The following DDX28 variants were observed in gnomAD, a reference collection of about 807,000 sequenced individuals.
DDX28 encodes the protein probable ATP-dependent RNA helicase DDX28.
A neutral mutation model predicts 26.8 loss-of-function variants in DDX28; 25 were observed. That is an observed-to-expected ratio of 0.93 (90% CI 0.68 to 1.30). The LOEUF is 1.30. Among genes scored for constraint, DDX28 ranks in the 50% most tolerant of loss-of-function variants. The probability of loss-of-function intolerance (pLI) is 0.00; values close to 1 mark genes in which losing one functional copy is unlikely to be tolerated. For synonymous variants in DDX28, 370 were observed against 311.9 expected (o/e 1.19, Z -1.96); for missense variants, 790 against 695.1 (o/e 1.14, Z -1.53).
rs1164022978 is a variant in DDX28 at position 68,023,181 on chromosome 16, G to C, written c.22C>G (p.Arg8Gly). The C allele has an allele frequency of 4.3e-6, 7 of 1,609,422 alleles. No homozygotes were observed. Among genetic ancestry groups the C allele is most frequent in the Non-Finnish European group, 5.9e-6 (7 of 1,179,098 alleles). Residue 8 changes from arginine to glycine, a missense_variant, in exon 1 of 1, where the codon CGG becomes GGG. Physicochemically the swap from Arg to Gly is moderately radical, Grantham distance 125 (BLOSUM62 -2). Transcript: ENST00000332395. MALTRPV[R>G]LFSLVTRLLL... is the part of the protein sequence containing the mutation. ...AACCGAGTCACGAGGGAAAAGAGCC[G>C]CACCGGCCGCGTTAGAGCCATGTTT... is the stretch of plus-strand genomic sequence containing the variant.
In DDX28 at chr16:68,021,546, T is replaced by C. The variant is rs367848338; in HGVS notation, c.*34A>G. On this transcript the variant is annotated 3_prime_UTR_variant, in exon 1 of 1. Transcript: ENST00000332395. ...CTCAAGATACTGGGAAAGATCCCTG[T>C]TCTAGCATCACATTTTAATCAGATT... The C allele has an allele frequency of 6.3e-6, 10 of 1,589,482 alleles. No individual in the cohort carries two copies. Among genetic ancestry groups the C allele is most frequent in the Middle Eastern group, 3.4e-4 (2 of 5,956 alleles).
chr16:68,022,508 AGGCCCAAGGAGC>A lies in DDX28; in HGVS notation c.683_694del (p.Arg228_Gly231del), dbSNP rs752561124. Reference sequence around the variant, plus strand: ...GCCTCCCTCCAGGTCCCGCACCAGCAGGCCCAAGGAGCGGCCCAAGGGTTGGGCCACAGCCCG... The same window carrying A: ...GCCTCCCTCCAGGTCCCGCACCAGCAGGCCCAAGGGTTGGGCCACAGCCCG... On this transcript the variant is annotated inframe_deletion, in exon 1 of 1. Transcript: ENST00000332395. 1.9e-6 allele frequency: 3 copies of A among 1,613,768 alleles called. No individual in the cohort carries two copies. The highest frequency in any genetic ancestry group is 2.7e-5 in the African/African-American group (2 of 74,940).
chr16:68,021,581 C>A lies in DDX28; in HGVS notation c.1622G>T (p.Ter541LeuextTer2), dbSNP rs1380106019. 2.5e-6 allele frequency: 4 copies of A among 1,611,056 alleles called. No homozygotes were observed. Among genetic ancestry groups the A allele is most frequent in the Non-Finnish European group, 3.4e-6 (4 of 1,178,056 alleles). Reference protein sequence around the residue: ...SVKEPLPQAT* With the variant: ...SVKEPLPQATL ...ACATTTTAATCAGATTTGTCAAAATCAGGTTGCTTGGGGCAAAGGCTCTTT... is the reference window on the plus strand; with the variant it reads ...ACATTTTAATCAGATTTGTCAAAATAAGGTTGCTTGGGGCAAAGGCTCTTT... Residue 541 changes from the stop codon to leucine (L), a stop_lost, in exon 1 of 1, where the codon TGA (stop) becomes TTA (leucine). Transcript: ENST00000332395.
chr16:68,023,214 T>C lies in DDX28; in HGVS notation c.-12A>G, dbSNP rs780811590. 6.9e-6 allele frequency: 11 copies of C among 1,602,654 alleles called. No individual in the cohort carries two copies. The highest frequency in any genetic ancestry group is 1.1e-5 in the South Asian group (1 of 89,940). On this transcript the variant is annotated 5_prime_UTR_variant, in exon 1 of 1. Transcript: ENST00000332395. ...CGCGTTAGAGCCATGTTTCCCTTAGTGCGGGAGAAGCGCACATCAGTGACG... is the reference window on the plus strand; with the variant it reads ...CGCGTTAGAGCCATGTTTCCCTTAGCGCGGGAGAAGCGCACATCAGTGACG...
chr16:68,021,131 C>T lies in DDX28; in HGVS notation c.*449G>A, dbSNP rs2033230442. On this transcript the variant is annotated 3_prime_UTR_variant, in exon 1 of 1. Transcript: ENST00000332395. Reference sequence around the variant, plus strand: ...GTCTACTGCTAGTCACATTTCCTTTCCTTTCCTTTCCCTGGGGGCTTAATG... The same window carrying T: ...GTCTACTGCTAGTCACATTTCCTTTTCTTTCCTTTCCCTGGGGGCTTAATG... 3.4e-5 allele frequency: 6 copies of T among 175,844 alleles called. No individual in the cohort carries two copies. In the South Asian group the frequency reaches 5.6e-4, roughly 17 times the overall value. The allele number at this position is 175,844 out of a possible 1,614,324, so 10.9% of individuals were successfully genotyped here.
rs747816528 is a variant in DDX28, at chr16:68,022,763, T to G, written c.440A>C (p.Glu147Ala). The change falls in exon 1 of 1, where the codon GAA (glutamate) becomes GCA (alanine). Residue 147 changes from glutamate (E) to alanine (A), a missense_variant. By Grantham distance (107) the Glu-to-Ala change is moderately radical. Coordinates refer to ENST00000332395, the MANE Select transcript of DDX28 (RefSeq NM_018380.4). ...CTGCACGGTTGTGGGCTGAACGACTTCAGGCGCAGCCTCCTGTAGTGCGTG... is the reference window on the plus strand; with the variant it reads ...CTGCACGGTTGTGGGCTGAACGACTGCAGGCGCAGCCTCCTGTAGTGCGTG... ...VLHALQEAAP[E>A]VVQPTTVQSS... is the part of the protein sequence containing the mutation. 2 of 1,611,708 alleles carry G rather than the reference T, an allele frequency of 1.2e-6. No individual in the cohort carries two copies. Among genetic ancestry groups the G allele is most frequent in the Non-Finnish European group, 8.5e-7 (1 of 1,179,196 alleles).
rs754080255 is a variant in DDX28, at chr16:68,022,969, C to A, written c.234G>T (p.Gln78His). 9 of 1,549,578 alleles carry A rather than the reference C, an allele frequency of 5.8e-6. No homozygotes were observed. The highest frequency in any genetic ancestry group is 7.8e-6 in the Non-Finnish European group (9 of 1,154,950). ...LVSARRPELN[Q>H]PARLTLGRWE... Reference sequence around the variant, plus strand: ...AACGGCCCAGTGTGAGGCGCGCCGGCTGGTTCAACTCCGGCCGCCGCGCCG... The same window carrying A: ...AACGGCCCAGTGTGAGGCGCGCCGGATGGTTCAACTCCGGCCGCCGCGCCG... The change falls in exon 1 of 1, where the codon CAG (glutamine) becomes CAT (histidine). Residue 78 changes from glutamine (Q) to histidine (H), a missense_variant. By Grantham distance (24) the Gln-to-His change is conservative. Transcript: ENST00000332395.
Position 68,021,681 on chromosome 16 carries a change from C to T in DDX28, c.1522G>A (p.Asp508Asn). ...TCAATCTTCTGAACCAGGCTCACATCCCAGGGATGGGTCACAAAACTGATG... is the reference window on the plus strand; with the variant it reads ...TCAATCTTCTGAACCAGGCTCACATTCCAGGGATGGGTCACAAAACTGATG... ...TVISFVTHPW[D>N]VSLVQKIELA... The change falls in exon 1 of 1, where the codon GAT becomes AAT. Residue 508 changes from aspartate (D) to asparagine (N), a missense_variant. Physicochemically the swap from Asp to Asn is conservative, Grantham distance 23. Transcript: ENST00000332395. The T allele has an allele frequency of 6.2e-7, 1 of 1,614,226 alleles. No homozygotes were observed. The highest frequency in any genetic ancestry group is 1.1e-5 in the South Asian group (1 of 91,084).
chr16:68,022,869 C>T lies in DDX28; in HGVS notation c.334G>A (p.Ala112Thr). Reference protein sequence around the residue: ...ARRDHFSIERAQQEAPAVRKL... With the variant: ...ARRDHFSIERTQQEAPAVRKL... ...CGCACCGCTGGCGCCTCCTGTTGCG[C>T]GCGCTCGATGGAGAAGTGGTCCCGA... Residue 112 changes from alanine (A) to threonine (T), a missense_variant, in exon 1 of 1, where the codon GCG (alanine) becomes ACG (threonine). By Grantham distance (58) the Ala-to-Thr change is moderately conservative (BLOSUM62 0). Transcript: ENST00000332395. The T allele has an allele frequency of 1.9e-6, 3 of 1,572,258 alleles. No individual in the cohort carries two copies. Among genetic ancestry groups the T allele is most frequent in the Non-Finnish European group, 2.6e-6 (3 of 1,159,554 alleles).
chr16:68,022,110 C>G lies in DDX28; in HGVS notation c.1093G>C (p.Val365Leu). ...TTCAGTCTCAGAAATGTCTGTTTCA[C>G]ATGAGGCATGATACAGTGGAGCTTG... Reference protein sequence around the residue: ...SSKLHCIMPHVKQTFLRLKGA... With the variant: ...SSKLHCIMPHLKQTFLRLKGA... Residue 365 changes from valine to leucine, a missense_variant, in exon 1 of 1, where the codon GTG (valine) becomes CTG (leucine). Transcript: ENST00000332395. 1 of 1,614,210 alleles carries G rather than the reference C, an allele frequency of 6.2e-7. No homozygotes were observed.
Position 68,022,080 on chromosome 16 carries a change from C to T in DDX28, c.1123G>A (p.Ala375Thr). 1 of 1,614,214 alleles carries T rather than the reference C, an allele frequency of 6.2e-7. No individual in the cohort carries two copies. The highest frequency in any genetic ancestry group is 8.5e-7 in the Non-Finnish European group (1 of 1,180,040). Residue 375 changes from alanine (A) to threonine (T), a missense_variant, in exon 1 of 1, where the codon GCA (alanine) becomes ACA (threonine). Coordinates refer to ENST00000332395, the MANE Select transcript of DDX28 (RefSeq NM_018380.4). ...VKQTFLRLKG[A>T]DKVAELVHIL... ...TGCACCAGCTCGGCCACCTTATCTG[C>T]TCCCTTCAGTCTCAGAAATGTCTGT... is the stretch of plus-strand genomic sequence containing the variant.
Position 68,022,329 on chromosome 16 carries a change from G to T in DDX28, c.874C>A (p.Leu292Met). Residue 292 changes from leucine (L) to methionine (M), a missense_variant, in exon 1 of 1, where the codon CTG (leucine) becomes ATG (methionine). Physicochemically the swap from Leu to Met is conservative, Grantham distance 15. Transcript: ENST00000332395. The part of the protein sequence containing the change: ...FLVLDEADTL[L>M]DESFLELVDY... ...ACCAGTTCCAGGAAGCTTTCATCCA[G>T]CAGTGTGTCTGCCTCATCCAACACC... is the stretch of plus-strand genomic sequence containing the variant. 6.2e-7 allele frequency: 1 copy of T among 1,614,232 alleles called. No individual in the cohort carries two copies. The highest frequency in any genetic ancestry group is 1.1e-5 in the South Asian group (1 of 91,092).
chr16:68,022,967 G>A lies in DDX28; in HGVS notation c.236C>T (p.Pro79Leu). The A allele has an allele frequency of 6.5e-7, 1 of 1,549,878 alleles. No homozygotes were observed. The highest frequency in any genetic ancestry group is 8.7e-7 in the Non-Finnish European group (1 of 1,154,962). Residue 79 changes from proline to leucine, a missense_variant, in exon 1 of 1, where the codon CCG (proline) becomes CTG (leucine). Pro to Leu is a moderately conservative substitution (Grantham distance 98). Transcript: ENST00000332395. ...CCAACGGCCCAGTGTGAGGCGCGCC[G>A]GCTGGTTCAACTCCGGCCGCCGCGC... ...VSARRPELNQ[P>L]ARLTLGRWER... is the part of the protein sequence containing the mutation.
Position 68,022,060 on chromosome 16 carries a change from C to T in DDX28, c.1143G>A (p.Leu381=), listed in dbSNP as rs769910674. The change falls in exon 1 of 1, where the codon CTG becomes CTA. Residue 381 remains leucine (L), a synonymous_variant. Coordinates refer to ENST00000332395, the MANE Select transcript of DDX28 (RefSeq NM_018380.4). ...RLKGADKVAE[L]VHILKHRDRA... ...TGTCACGATGCTTGAGGATGTGCAC[C>T]AGCTCGGCCACCTTATCTGCTCCCT... 2 of 1,614,192 alleles carry T rather than the reference C, an allele frequency of 1.2e-6. No homozygotes were observed. The highest frequency in any genetic ancestry group is 1.7e-6 in the Non-Finnish European group (2 of 1,180,052).
In DDX28 at chr16:68,022,876, G is replaced by A; in HGVS notation, c.327C>T (p.Ile109=). The A allele has an allele frequency of 6.4e-7, 1 of 1,571,042 alleles. No individual in the cohort carries two copies. Among genetic ancestry groups the A allele is most frequent in the Non-Finnish European group, 8.6e-7 (1 of 1,158,968 alleles). ...SRRARRDHFS[I]ERAQQEAPAV... ...CTGGCGCCTCCTGTTGCGCGCGCTC[G>A]ATGGAGAAGTGGTCCCGACGCGCGC... is the stretch of plus-strand genomic sequence containing the variant. The change falls in exon 1 of 1, where the codon ATC becomes ATT. Residue 109 remains isoleucine (I), a synonymous_variant. Transcript: ENST00000332395.
Position 68,021,480 on chromosome 16 carries a change from A to G in DDX28, c.*100T>C. The G allele has an allele frequency of 1.5e-6, 2 of 1,335,568 alleles. No individual in the cohort carries two copies. Among genetic ancestry groups the G allele is most frequent in the South Asian group, 2.9e-5 (2 of 69,862 alleles). 82.7% of individuals were successfully genotyped at this position (1,335,568 alleles called of 1,614,324 possible). On this transcript the variant is annotated 3_prime_UTR_variant, in exon 1 of 1. Transcript: ENST00000332395. ...TTCATCCCGCCCTCAAGGAGCCGAC[A>G]GGGCAGCCCAGAGCCTCCCACTGAC...
At position 68,023,085 on chromosome 16, in the gene DDX28, C is replaced by A; in HGVS notation, c.118G>T (p.Val40Leu). Residue 40 changes from valine (V) to leucine (L), a missense_variant, in exon 1 of 1, where the codon GTG (valine) becomes TTG (leucine). Physicochemically the swap from Val to Leu is conservative, Grantham distance 32. Coordinates refer to ENST00000332395, the MANE Select transcript of DDX28 (RefSeq NM_018380.4). ...DEPLPVVRIPVALQRQLEQRQ... is the reference protein window; with the variant it reads ...DEPLPVVRIPLALQRQLEQRQ... The stretch of plus-strand genomic sequence containing the variant: ...TGTTCCAACTGCCGCTGTAGAGCCA[C>A]TGGGATGCGCACCACCGGCAGGGGT... The A allele has an allele frequency of 1.2e-6, 2 of 1,601,922 alleles. No individual in the cohort carries two copies. Among genetic ancestry groups the A allele is most frequent in the Non-Finnish European group, 8.5e-7 (1 of 1,179,780 alleles).
At position 68,021,344 on chromosome 16, in the gene DDX28, T is replaced by C. The variant is rs144110732; in HGVS notation, c.*236A>G. The C allele has an allele frequency of 3.6e-6, 2 of 548,432 alleles. No homozygotes were observed. Among genetic ancestry groups the C allele is most frequent in the South Asian group, 2.4e-5 (1 of 41,930 alleles). The allele number at this position is 548,432 out of a possible 1,614,324, so 34.0% of individuals were successfully genotyped here. ...TCATTTATTGTTAGAAATCATGACA[T>C]GATACAAAGTCAAAATCCACTTGTG... On this transcript the variant is annotated 3_prime_UTR_variant, in exon 1 of 1. Coordinates refer to ENST00000332395, the MANE Select transcript of DDX28 (RefSeq NM_018380.4).
In DDX28 at chr16:68,021,872, T is replaced by C; in HGVS notation, c.1331A>G (p.Gln444Arg). The C allele has an allele frequency of 6.2e-7, 1 of 1,614,202 alleles. No homozygotes were observed. Among genetic ancestry groups the C allele is most frequent in the Non-Finnish European group, 8.5e-7 (1 of 1,180,032 alleles). Residue 444 changes from glutamine (Q) to arginine (R), a missense_variant, in exon 1 of 1, where the codon CAG (glutamine) becomes CGG (arginine). Transcript: ENST00000332395. Reference sequence around the variant, plus strand: ...GAGAAGTATGTCTCGGGAGCTCTTCTGGAAGGACTGGAAGATTCCTACCCT... The same window carrying C: ...GAGAAGTATGTCTCGGGAGCTCTTCCGGAAGGACTGGAAGATTCCTACCCT... Reference protein sequence around the residue: ...LMRVGIFQSFQKSSRDILLCT... With the variant: ...LMRVGIFQSFRKSSRDILLCT...
Sources: gnomAD v4.1 joint callset for allele counts on GRCh38, gnomAD v4.1.1 for gene constraint, MANE v1.5 for transcripts, NCBI Gene and HGNC (gene_info 2026-07-23, HGNC 2026-07-21) for gene names.